NLGN1: variants seen among roughly 807,000 people sequenced by gnomAD.
The protein encoded by NLGN1 is neuroligin 1.
NLGN1 carries 12 observed loss-of-function variants against 65.5 expected under a neutral mutation model. That is an observed-to-expected ratio of 0.18 (90% CI 0.12 to 0.30). The LOEUF (loss-of-function observed/expected upper bound fraction) is 0.30, where lower values mean the gene tolerates loss of function less well. Ranked by LOEUF, NLGN1 falls within the 10% of genes least tolerant of loss-of-function variation. NLGN1 has a pLI of 1.00. For synonymous variants in NLGN1, 350 were observed against 359.5 expected (o/e 0.97, Z 0.30); for missense variants, 750 against 1,007.1 (o/e 0.74, Z 3.46).
chr3:174,162,717 A>C (rs1408174495), intron 4 of NLGN1, among the ~76,000 whole-genome samples: 2 of 151,206 alleles, frequency 1.3e-5, no homozygotes, highest in Non-Finnish European at 3.0e-5. Context: ...CAAGTTTAAA[A>C]CAGTCCTATG....
At chr3:174,104,978 T>C (rs1319900480) in intron 4 of NLGN1, among the ~76,000 whole-genome samples, 2 of 152,056 alleles carry the variant, frequency 1.3e-5, no homozygotes, top group Non-Finnish European at 2.9e-5. Context: ...ATATGGCTAG[T>C]GACAAGAGTA....
At chr3:173,804,034 G>T (rs1022934464) in intron 3 of NLGN1, among the ~76,000 whole-genome samples, 1 of 152,062 alleles carries the variant, frequency 6.6e-6, no homozygotes, top group African/African-American at 2.4e-5. Context: ...TGGTTGTCAG[G>T]TACAAATAAA....
At chr3:173,963,445 C>A (rs1454489895) in intron 4 of NLGN1, among the ~76,000 whole-genome samples, 1 of 152,026 alleles carries the variant, frequency 6.6e-6, no homozygotes, top group Non-Finnish European at 1.5e-5. Flanking sequence ...TGGGAAATTT[C>A]CAGAATCTGC....
chr3:173,574,887 A>G (rs1285017422), intron 2 of NLGN1, among the ~76,000 whole-genome samples: 1 of 152,154 alleles, frequency 6.6e-6, no homozygotes, highest in Non-Finnish European at 1.5e-5. Context: ...CCACTCCAAT[A>G]ATTATTTAAA....
chr3:174,201,462 C>T (rs976009779), intron 4 of NLGN1, among the ~76,000 whole-genome samples: 4 of 152,162 alleles, frequency 2.6e-5, no homozygotes, highest in African/African-American at 9.7e-5. Context: ...GTCCTATTTA[C>T]TTAGAGGTAC....
At chr3:173,788,468 A>G (rs919221306) in intron 3 of NLGN1, among the ~76,000 whole-genome samples, 1 of 152,078 alleles carries the variant, frequency 6.6e-6, no homozygotes, top group African/African-American at 2.4e-5. Context: ...TGTGTCCTCA[A>G]CATATACCAG....
At chr3:174,269,838 T>C (rs79044047) in intron 4 of NLGN1, among the ~76,000 whole-genome samples, 4,986 of 151,930 alleles carry the variant, frequency 0.033, 111 homozygotes, top group African/African-American at 0.058. Context: ...CATCCTTTCC[T>C]ATTTTGTGAT....
At chr3:174,073,171 G>C (rs1046442387) in intron 4 of NLGN1, among the ~76,000 whole-genome samples, 5 of 151,592 alleles carry the variant, frequency 3.3e-5, no homozygotes, top group African/African-American at 1.2e-4. Flanking sequence ...GATACAGTGA[G>C]TTCAAGAAAA....
chr3:173,774,826 G>T (rs1780065093), intron 3 of NLGN1, among the ~76,000 whole-genome samples: 1 of 151,806 alleles, frequency 6.6e-6, no homozygotes, highest in Non-Finnish European at 1.5e-5. Context: ...GCCTCCCCCA[G>T]CCCCCTCGCA....
At chr3:173,639,255 A>C (rs963469501) in intron 3 of NLGN1, among the ~76,000 whole-genome samples, 3 of 152,180 alleles carry the variant, frequency 2.0e-5, no homozygotes, top group Non-Finnish European at 2.9e-5. Context: ...GAATGCTGCC[A>C]AGCAGCAATG....
intron 4 of NLGN1, among the ~76,000 whole-genome samples, chr3:174,152,950 G>A (rs531880855): frequency 1.1e-4 from 17 of 151,936 alleles, no homozygotes; most frequent in Middle Eastern, 3.2e-3. Context: ...ATCTTTTCAT[G>A]CACTTAGAAT....
intron 3 of NLGN1, among the ~76,000 whole-genome samples, chr3:173,774,447 G>A (rs1380362478): frequency 6.6e-6 from 1 of 152,140 alleles, no homozygotes; most frequent in East Asian, 1.9e-4. Context: ...TGTATTCAAT[G>A]TCTTTTTGAG....
intron 2 of NLGN1, among the ~76,000 whole-genome samples, chr3:173,507,122 A>G (rs752597982): frequency 1.3e-5 from 2 of 152,112 alleles, no homozygotes; most frequent in East Asian, 1.9e-4. Context: ...CAGGAAAATA[A>G]TTCTTTTGGA....
chr3:173,455,791 A>G (rs569671885), intron 2 of NLGN1, among the ~76,000 whole-genome samples: 1 of 152,200 alleles, frequency 6.6e-6, no homozygotes, highest in African/African-American at 2.4e-5. Context: ...GATTTATTTT[A>G]CGTTATTGGC....
intron 3 of NLGN1, among the ~76,000 whole-genome samples, chr3:173,702,238 C>CA (rs67328889): frequency 0.014 from 1,256 of 89,622 alleles, 18 homozygotes; most frequent in African/African-American, 0.029. Context: ...GACTCCGTCT[C>CA]AAAAAAAAAA....
intron 4 of NLGN1, among the ~76,000 whole-genome samples, chr3:174,114,181 C>T (rs1316538727): frequency 2.0e-5 from 3 of 152,168 alleles, no homozygotes; most frequent in Non-Finnish European, 2.9e-5. Flanking sequence ...TTTTTCAGTG[C>T]CATGCCTGCA....
At chr3:174,004,567 T>C (rs1186426408) in intron 4 of NLGN1, among the ~76,000 whole-genome samples, 1 of 152,172 alleles carries the variant, frequency 6.6e-6, no homozygotes, top group Non-Finnish European at 1.5e-5. Flanking sequence ...TTTACTAATA[T>C]AGTAATTCTA....
intron 4 of NLGN1, among the ~76,000 whole-genome samples, chr3:174,022,051 GCCGATGA>G (rs1012399234): frequency 8.5e-5 from 13 of 152,256 alleles, no homozygotes; most frequent in African/African-American, 2.6e-4. Context: ...TTGGTGTTCT[GCCGATGA>G]CCTGTAGTTA....
intron 4 of NLGN1, among the ~76,000 whole-genome samples, chr3:174,026,287 A>G (rs937129003): frequency 2.0e-5 from 3 of 152,004 alleles, no homozygotes; most frequent in Non-Finnish European, 4.4e-5. Flanking sequence ...CCACCATGCC[A>G]GCTAATTTTT....
Sources: allele counts gnomAD v4.1 joint callset (sites outside exome capture counted in the v4.1 genomes callset), GRCh38; gene constraint gnomAD v4.1.1; transcripts MANE v1.5; gene names NCBI Gene and HGNC (gene_info 2026-07-23, HGNC 2026-07-21).